CPNE4: variants seen among roughly 807,000 people sequenced by gnomAD.
The protein encoded by CPNE4 is copine 4, also known as copine-4.
A neutral mutation model predicts 67.9 loss-of-function variants in CPNE4; 25 were observed. The ratio of observed to expected loss-of-function variants is 0.37; its 90% CI spans 0.27 to 0.51. CPNE4 has a LOEUF of 0.51. Ranked by LOEUF, CPNE4 falls within the 20% of genes least tolerant of loss-of-function variation. CPNE4 has a pLI of 0.93. For synonymous variants in CPNE4, 242 were observed against 244.9 expected (o/e 0.99, Z 0.11); for missense variants, 464 against 690.8 (o/e 0.67, Z 3.68).
intron 8 of CPNE4, among the ~76,000 whole-genome samples, chr3:131,583,283 C>G (rs1334180311): frequency 1.3e-5 from 2 of 152,250 alleles, no homozygotes; most frequent in East Asian, 3.9e-4. Context: ...GTGGGTAGAA[C>G]TTGATAAACA....
Position 131,993,472 on chromosome 3 carries a change from CAAAAAA to C in CPNE4, c.-2+41089_-2+41094del, listed in dbSNP as rs58116331. On this transcript the variant is annotated intron_variant, in intron 1 of 15. Transcript: ENST00000429747. ...ACCCTGATTTCGTGTGCAGGAGTGG[CAAAAAA>C]AAAAAAAAAAAGCATAGCTTTAGAA... 5.0e-5 allele frequency among the ~76,000 whole-genome samples: 3 copies of C among 60,474 alleles called. 1 individual carries two copies. The highest frequency in any genetic ancestry group is 2.6e-4 in the Admixed American group (1 of 3,886). The allele number at this position is 60,474 out of a possible 152,430, so 39.7% of individuals were successfully genotyped here.
intron 2 of CPNE4, among the ~76,000 whole-genome samples, chr3:131,752,039 A>G (rs1425129027): frequency 6.6e-6 from 1 of 151,336 alleles, no homozygotes; most frequent in Non-Finnish European, 1.5e-5. Flanking sequence ...CTCCTCTAAC[A>G]CCTCCCCAGC....
At chr3:131,606,447 T>C (rs908473400) in intron 7 of CPNE4, among the ~76,000 whole-genome samples, 3 of 152,180 alleles carry the variant, frequency 2.0e-5, no homozygotes, top group Non-Finnish European at 4.4e-5. Context: ...TGGGTGTTTA[T>C]AGTAGATTGG....
chr3:131,747,379 G>C (rs2082517986), intron 2 of CPNE4, among the ~76,000 whole-genome samples: 1 of 152,030 alleles, frequency 6.6e-6, no homozygotes, highest in Admixed American at 6.6e-5. Context: ...GTTTTTCCTT[G>C]ATTTCCTCTA....
At chr3:131,880,959 C>G (rs1277321523) in intron 2 of CPNE4, among the ~76,000 whole-genome samples, 1 of 152,146 alleles carries the variant, frequency 6.6e-6, no homozygotes, top group Non-Finnish European at 1.5e-5. Flanking sequence ...AAAAAAGTAG[C>G]CTCTGCCATC....
chr3:131,604,146 A>G (rs1166774900), intron 7 of CPNE4, among the ~76,000 whole-genome samples: 2 of 152,128 alleles, frequency 1.3e-5, no homozygotes, highest in Non-Finnish European at 2.9e-5. Context: ...TGGCTCACTA[A>G]AGACAATTCT....
chr3:131,757,057 C>T (rs945093881), intron 2 of CPNE4, among the ~76,000 whole-genome samples: 1 of 152,154 alleles, frequency 6.6e-6, no homozygotes, highest in African/African-American at 2.4e-5. Flanking sequence ...TTCCCAGTCT[C>T]AGATATATCT....
rs776909435 is a variant in CPNE4 at position 131,542,629 on chromosome 3, A to G, written c.1467T>C (p.Ile489=). ...DMQMLDGDDG[I]LRSPKGEPVL... is the part of the protein sequence containing the mutation. ...CAGGCTCTCCCTTGGGTGACCTCAG[A>G]ATCCCATCATCACCGTCCAGCATCT... Residue 489 remains isoleucine (I), a synonymous_variant, in exon 15 of 16, where the codon ATT becomes ATC. Transcript: ENST00000429747. 11 of 1,614,124 alleles carry G rather than the reference A, an allele frequency of 6.8e-6. No homozygotes were observed. In the South Asian group the frequency reaches 9.9e-5, roughly 14 times the overall value.
intron 6 of CPNE4, among the ~76,000 whole-genome samples, chr3:131,681,953 A>G (rs1434694908): frequency 2.0e-5 from 3 of 151,130 alleles, no homozygotes; most frequent in Non-Finnish European, 4.4e-5. Flanking sequence ...GCATTTTTCA[A>G]CTCCAGAATT....
chr3:131,617,759 T>A (rs986173761), intron 7 of CPNE4, among the ~76,000 whole-genome samples: 1 of 152,210 alleles, frequency 6.6e-6, no homozygotes, highest in African/African-American at 2.4e-5. Flanking sequence ...ATATACGGGT[T>A]CCATTTGGAA....
chr3:131,732,983 T>C (rs963547124), intron 2 of CPNE4, among the ~76,000 whole-genome samples: 31 of 152,354 alleles, frequency 2.0e-4, no homozygotes, highest in Admixed American at 2.0e-3. Flanking sequence ...GAGCATTTAC[T>C]GAGCAATGGG....
chr3:131,688,307 C>T (rs1009620863), intron 5 of CPNE4, among the ~76,000 whole-genome samples: 1 of 152,184 alleles, frequency 6.6e-6, no homozygotes, highest in Non-Finnish European at 1.5e-5. Flanking sequence ...AAGATTACCA[C>T]AGCCTTCATC....
intron 1 of CPNE4, among the ~76,000 whole-genome samples, chr3:131,963,437 G>A (rs1453042797): frequency 6.6e-6 from 1 of 152,004 alleles, no homozygotes; most frequent in Non-Finnish European, 1.5e-5. Flanking sequence ...GAGCCAAGTG[G>A]TCTCACTCAG....
chr3:131,879,895 A>G (rs777379276), intron 2 of CPNE4, among the ~76,000 whole-genome samples: 1 of 152,090 alleles, frequency 6.6e-6, no homozygotes, highest in African/African-American at 2.4e-5. Context: ...ACTCATTACC[A>G]AAGATCTACT....
rs533584938 is a variant in CPNE4, at chr3:131,686,693, T to A, written c.508-735A>T. 1.2e-4 allele frequency among the ~76,000 whole-genome samples: 19 copies of A among 152,356 alleles called. 1 individual carries two copies. In the South Asian group the frequency reaches 3.5e-3, roughly 28 times the overall value. Reference sequence around the variant, plus strand: ...ACGAGGGGTGTTCTTCCTTGACAAGTCTTCAATGCCAATTTTTATTTGTGA... The same window carrying A: ...ACGAGGGGTGTTCTTCCTTGACAAGACTTCAATGCCAATTTTTATTTGTGA... On this transcript the variant is annotated intron_variant, in intron 5 of 15. Coordinates refer to ENST00000429747, the MANE Select transcript of CPNE4 (RefSeq NM_130808.3).
At chr3:131,831,300 G>A (rs2085359480) in intron 2 of CPNE4, among the ~76,000 whole-genome samples, 1 of 152,042 alleles carries the variant, frequency 6.6e-6, no homozygotes, top group African/African-American at 2.4e-5. Context: ...AGAATTTCTA[G>A]CATCACATCT....
At chr3:132,007,708 A>G (rs2073645976) in intron 1 of CPNE4, among the ~76,000 whole-genome samples, 2 of 152,072 alleles carry the variant, frequency 1.3e-5, no homozygotes, top group Non-Finnish European at 2.9e-5. Context: ...TTCCTTAGTA[A>G]GCCTTAATGA....
chr3:131,784,299 A>G (rs1259787179), intron 2 of CPNE4, among the ~76,000 whole-genome samples: 8 of 152,024 alleles, frequency 5.3e-5, no homozygotes, highest in Admixed American at 5.2e-4. Flanking sequence ...GTAAATCAGT[A>G]TAGGTCTGTA....
At chr3:131,818,875 G>T (rs1583261425) in intron 2 of CPNE4, among the ~76,000 whole-genome samples, 1 of 152,164 alleles carries the variant, frequency 6.6e-6, no homozygotes, top group East Asian at 1.9e-4. Context: ...GCTGAGGCAG[G>T]CAGATCACGA....
Sources: allele counts gnomAD v4.1 joint callset (sites outside exome capture counted in the v4.1 genomes callset), GRCh38; gene constraint gnomAD v4.1.1; transcripts MANE v1.5; gene names NCBI Gene and HGNC (gene_info 2026-07-23, HGNC 2026-07-21).